The following USH1C variants were observed in gnomAD, a reference collection of about 807,000 sequenced individuals.
USH1C encodes USH1 protein network component harmonin.
USH1C carries 90 observed loss-of-function variants against 119.3 expected under a neutral mutation model. The ratio of observed to expected loss-of-function variants is 0.75; its 90% confidence interval spans 0.64 to 0.90. The LOEUF (loss-of-function observed/expected upper bound fraction) is 0.90. Ranked by LOEUF, USH1C falls within the 40% of genes least tolerant of loss-of-function variation. The pLI, the probability that USH1C is intolerant of heterozygous loss-of-function variation, is 0.00. For synonymous variants in USH1C, 465 were observed against 443.3 expected (o/e 1.05, Z -0.62); for missense variants, 1,165 against 1,167.7 (o/e 1.00, Z 0.03).
intron 23 of USH1C, 147 bp from the exon 24 acceptor site, chr11:17,498,418 G>A: frequency 1.3e-6 from 1 of 792,842 alleles, no homozygotes. Context: ...AAGCATGAGG[G>A]GAAACTAGCC....
intron 4 of USH1C, 54 bp from the exon 5 acceptor site, chr11:17,527,385 G>T: frequency 7.2e-7 from 1 of 1,386,836 alleles, no homozygotes; most frequent in Non-Finnish European, 1.0e-6. Flanking sequence ...TCAGGCAGTG[G>T]GGCAGACTCA....
intron 1 of USH1C, among the ~76,000 whole-genome samples, chr11:17,534,215 A>G (rs1337039167): frequency 6.6e-6 from 1 of 152,180 alleles, no homozygotes; most frequent in Non-Finnish European, 1.5e-5. Context: ...CTTCATAGAG[A>G]GGCTGCAGCT....
chr11:17,495,424 A>T, intron 26 of USH1C, 145 bp downstream of exon 26: 1 of 856,964 alleles, frequency 1.2e-6, no homozygotes, highest in Non-Finnish European at 2.0e-6. Context: ...TGTGGCCAAC[A>T]GCAGGCCCCA....
At chr11:17,523,062 C>T (rs1393820824) in intron 11 of USH1C, 136 bp from the exon 12 acceptor site, 10 of 1,580,598 alleles carry the variant, frequency 6.3e-6, no homozygotes, top group African/African-American at 2.7e-5. Flanking sequence ...CTGACCCAAA[C>T]TTCTTGCTGG....
At position 17,502,122 on chromosome 11, in the gene USH1C, G is replaced by A. The variant is rs1849471025; in HGVS notation, c.2185-142C>T. 4.0e-6 allele frequency: 3 copies of A among 755,780 alleles called. No individual in the cohort carries two copies. The South Asian group carries it at 5.7e-5, about 14-fold the overall frequency. The allele number at this position is 755,780 out of a possible 1,614,324, so 46.8% of individuals were successfully genotyped here. A position where few individuals can be genotyped will look rare whatever the true frequency, so the allele number is the denominator to read the frequency against. ...AGAAGGCACGGCCAGGGTACGGGAT[G>A]CAGACAGGAGGCCGGCAGCCCTAGC... On this transcript the variant is annotated intron_variant, in intron 20 of 26. Transcript: ENST00000005226.
At position 17,531,469 on chromosome 11, in the gene USH1C, C is replaced by A; in HGVS notation, c.178G>T (p.Asp60Tyr). ...AGTGGGATCAGCGGCCGAATGGCAT[C>A]AAACAGAGGCAGACGGCTGGGTTCA... is the stretch of plus-strand genomic sequence containing the variant. ...INEPSRLPLFDAIRPLIPLKH... is the reference protein window; with the variant it reads ...INEPSRLPLFYAIRPLIPLKH... The change falls in exon 3 of 27, where the codon GAT becomes TAT. Residue 60 changes from aspartate to tyrosine, a missense_variant. Coordinates refer to ENST00000005226, the MANE Select transcript of USH1C (RefSeq NM_153676.4). The surrounding 1 kb of genome is among the most constrained non-coding windows in gnomAD (Gnocchi z 4.2). The A allele has an allele frequency of 6.2e-7, 1 of 1,614,076 alleles. No individual in the cohort carries two copies. The highest frequency in any genetic ancestry group is 8.5e-7 in the Non-Finnish European group (1 of 1,180,036).
intron 12 of USH1C, among the ~76,000 whole-genome samples, chr11:17,521,650 A>T (rs568314712): frequency 8.5e-5 from 13 of 152,228 alleles, no homozygotes; most frequent in Middle Eastern, 3.4e-3. Flanking sequence ...AGGGAAGCAG[A>T]TCCATGTGAA....
chr11:17,541,791 G>C (rs1851479003), intron 1 of USH1C, among the ~76,000 whole-genome samples: 1 of 152,220 alleles, frequency 6.6e-6, no homozygotes, highest in Non-Finnish European at 1.5e-5. Context: ...GCAGGTATCA[G>C]CTGGAAACAG....
intron 23 of USH1C, among the ~76,000 whole-genome samples, chr11:17,500,647 T>C (rs67239821): frequency 0.025 from 3,817 of 152,198 alleles, 34 homozygotes; most frequent in South Asian, 0.032. Flanking sequence ...TATGCTCAGC[T>C]CAGGGTTCGC....
chr11:17,531,336 G>A lies in USH1C; in HGVS notation c.249-44C>T. The A allele has an allele frequency of 1.2e-6, 2 of 1,614,024 alleles. No individual in the cohort carries two copies. The highest frequency in any genetic ancestry group is 1.7e-6 in the Non-Finnish European group (2 of 1,179,964). ...CGGTGATGGTGCAGCTTGGCTGCCA[G>A]CACTGCCCCGCCCAGGGTGATCTCT... is the stretch of plus-strand genomic sequence containing the variant. On this transcript the variant is annotated intron_variant, in intron 3 of 26. Transcript: ENST00000005226. This position sits in a 1 kb window ranked among gnomAD's most constrained non-coding sequence, Gnocchi z 4.2.
At chr11:17,511,046 A>G (rs754673526) in intron 16 of USH1C, among the ~76,000 whole-genome samples, 5 of 152,170 alleles carry the variant, frequency 3.3e-5, no homozygotes, top group Non-Finnish European at 5.9e-5. Flanking sequence ...TGATTCATGG[A>G]TGCGTTAAAG....
chr11:17,498,150 C>A lies in USH1C; in HGVS notation c.2490+12G>T, dbSNP rs2072232. On this transcript the variant is annotated intron_variant, in intron 24 of 26. Coordinates refer to ENST00000005226, the MANE Select transcript of USH1C (RefSeq NM_153676.4). ...GGTGAGGGAGGAAAGGAGGGAGGGG[C>A]CTTATTCTTACCCCGCCCTGATTCC... The A allele has an allele frequency of 3.1e-6, 5 of 1,610,546 alleles. No homozygotes were observed. The highest frequency in any genetic ancestry group is 4.2e-6 in the Non-Finnish European group (5 of 1,176,912).
In USH1C at chr11:17,531,711, T is replaced by A. The variant is rs936689029; in HGVS notation, c.105-169A>T. ...CACCGGGCCAGTGCCTGAGAAGACTTTGTTCTCTTATATAAATATCCCCAG... is the reference window on the plus strand; with the variant it reads ...CACCGGGCCAGTGCCTGAGAAGACTATGTTCTCTTATATAAATATCCCCAG... On this transcript the variant is annotated intron_variant, in intron 2 of 26. Transcript: ENST00000005226. The surrounding 1 kb of genome is among the most constrained non-coding windows in gnomAD (Gnocchi z 4.2). Among the ~76,000 whole-genome samples the A allele has an allele frequency of 2.0e-5, 3 of 152,098 alleles. No individual in the cohort carries two copies. Among genetic ancestry groups the A allele is most frequent in the Non-Finnish European group, 4.4e-5 (3 of 68,020 alleles).
chr11:17,509,581 C>T lies in USH1C; in HGVS notation c.1788G>A (p.Val596=), dbSNP rs1313928603. 3 of 1,600,078 alleles carry T rather than the reference C, an allele frequency of 1.9e-6. No individual in the cohort carries two copies. The highest frequency in any genetic ancestry group is 3.4e-5 in the Admixed American group (2 of 59,096). Residue 596 remains valine (V), a synonymous_variant, in exon 18 of 27, where the codon GTG becomes GTA. Transcript: ENST00000005226. The part of the protein sequence containing the change: ...GHVSASSSPW[V]QRTPPPIPIP... ...TGGGAATGGGGGGTGGAGTGCGCTG[C>T]ACCCATGGAGAGGATGAGGCGCTCA... is the stretch of plus-strand genomic sequence containing the variant.
At chr11:17,539,827 CTT>C (rs1367402459) in intron 1 of USH1C, among the ~76,000 whole-genome samples, 1 of 135,560 alleles carries the variant, frequency 7.4e-6, no homozygotes, top group African/African-American at 2.9e-5. Context: ...CTGTTTCTTT[CTT>C]TTTCTTTTTT....
chr11:17,496,907 G>A (rs1252324396), intron 24 of USH1C, 94 bp from the exon 25 acceptor site: 2 of 1,467,134 alleles, frequency 1.4e-6, no homozygotes, highest in East Asian at 2.3e-5. Flanking sequence ...CCATGGCCTA[G>A]GATCAGCCAG....
chr11:17,531,312 G>A lies in USH1C; in HGVS notation c.249-20C>T, dbSNP rs751559923. 1.3e-5 allele frequency: 21 copies of A among 1,614,012 alleles called. No homozygotes were observed. The highest frequency in any genetic ancestry group is 2.2e-5 in the East Asian group (1 of 44,890). ...AGCTTCCTGCCACACAGGAGAGGTC[G>A]GTGATGGTGCAGCTTGGCTGCCAGC... is the stretch of plus-strand genomic sequence containing the variant. On this transcript the variant is annotated intron_variant, in intron 3 of 26. Coordinates refer to ENST00000005226, the MANE Select transcript of USH1C (RefSeq NM_153676.4). The surrounding 1 kb of genome is among the most constrained non-coding windows in gnomAD (Gnocchi z 4.2).
chr11:17,501,688 T>C (rs983429057), intron 21 of USH1C, among the ~76,000 whole-genome samples, 153 bp from the exon 22 acceptor site: 1 of 152,010 alleles, frequency 6.6e-6, no homozygotes, highest in Non-Finnish European at 1.5e-5. Flanking sequence ...CTACTGGTCT[T>C]CAACTGGGGG....
At chr11:17,527,353 G>A in intron 4 of USH1C, 22 bp from the exon 5 acceptor site, 2 of 1,582,954 alleles carry the variant, frequency 1.3e-6, no homozygotes, top group Non-Finnish European at 1.7e-6. Context: ...AGAGAGGCAG[G>A]GAGCACCAGG....
Sources: allele counts gnomAD v4.1 joint callset (sites outside exome capture counted in the v4.1 genomes callset), GRCh38; gene constraint gnomAD v4.1.1; non-coding constraint Gnocchi (gnomAD v3.1); transcripts MANE v1.5; gene names NCBI Gene and HGNC (gene_info 2026-07-23, HGNC 2026-07-21).